Variants in CREM observed in about 807,000 individuals in gnomAD.
CREM encodes the protein cAMP-responsive element modulator.
A neutral mutation model predicts 37.3 loss-of-function variants in CREM; 13 were observed. The ratio of observed to expected loss-of-function variants is 0.35; its 90% CI spans 0.23 to 0.55. CREM has a LOEUF of 0.55. Ranked by LOEUF, CREM falls within the 20% of genes least tolerant of loss-of-function variation. The pLI, the probability that CREM is intolerant of heterozygous loss-of-function variation, is 0.88. For synonymous variants in CREM, 124 were observed against 120.2 expected (o/e 1.03, Z -0.21); for missense variants, 296 against 362.3 (o/e 0.82, Z 1.49).
intron 6 of CREM, among the ~76,000 whole-genome samples, chr10:35,199,949 G>A (rs1175017176): frequency 6.8e-6 from 1 of 147,142 alleles, no homozygotes; most frequent in African/African-American, 2.5e-5. Flanking sequence ...GAGTACAGTG[G>A]CGTGATCTTG....
chr10:35,134,212 AT>A (rs1443306469), intron 1 of CREM, among the ~76,000 whole-genome samples: 1 of 151,496 alleles, frequency 6.6e-6, no homozygotes, highest in Non-Finnish European at 1.5e-5. Flanking sequence ...ATGCTGGCTC[AT>A]TTTTGTAATT....
intron 2 of CREM, among the ~76,000 whole-genome samples, chr10:35,145,834 G>GACCTGCCA (rs1402554600): frequency 1.4e-5 from 2 of 147,878 alleles, no homozygotes; most frequent in Non-Finnish European, 3.0e-5. Context: ...TTTAATTACT[G>GACCTGCCA]ACCTGCCAAT....
chr10:35,202,732 G>T (rs914458895), intron 6 of CREM, among the ~76,000 whole-genome samples: 1 of 151,940 alleles, frequency 6.6e-6, no homozygotes, highest in Non-Finnish European at 1.5e-5. Flanking sequence ...GAACTAATGC[G>T]CTTGTCATTT....
At chr10:35,134,361 C>T (rs559701497) in intron 1 of CREM, among the ~76,000 whole-genome samples, 10 of 152,250 alleles carry the variant, frequency 6.6e-5, no homozygotes, top group East Asian at 3.9e-4. Context: ...GGATTACAGG[C>T]GCATGCCACC....
chr10:35,206,878 A>G lies in CREM; in HGVS notation c.599-17A>G, dbSNP rs1554951480. On this transcript the variant is annotated splice_polypyrimidine_tract_variant and intron_variant, in intron 6 of 7. Transcript: ENST00000685392. ...TGAATTCTTTATATAAGCTCAAAAT[A>G]TTTTGTTTTACTGCAGCTGCCACTG... is the stretch of plus-strand genomic sequence containing the variant. 1.2e-6 allele frequency: 2 copies of G among 1,612,414 alleles called. No individual in the cohort carries two copies. The highest frequency in any genetic ancestry group is 4.5e-5 in the East Asian group (2 of 44,852).
intron 3 of CREM, among the ~76,000 whole-genome samples, chr10:35,163,071 T>C (rs1347031775): frequency 6.6e-6 from 1 of 151,250 alleles, no homozygotes. Flanking sequence ...CCAGGCATGG[T>C]GGCACTTGCC....
chr10:35,201,573 T>G, intron 6 of CREM: 1 of 1,503,166 alleles, frequency 6.7e-7, no homozygotes, highest in Non-Finnish European at 9.0e-7. Flanking sequence ...AAGAGAGATA[T>G]GTAGTTAATG....
chr10:35,149,557 C>T (rs2092422628), intron 3 of CREM, among the ~76,000 whole-genome samples: 1 of 152,076 alleles, frequency 6.6e-6, no homozygotes, highest in Non-Finnish European at 1.5e-5. Context: ...CTGAAGACAC[C>T]ATCAGGGTGC....
intron 5 of CREM, among the ~76,000 whole-genome samples, chr10:35,185,109 T>C (rs1350333774): frequency 2.7e-5 from 4 of 149,304 alleles, no homozygotes; most frequent in African/African-American, 9.8e-5. Context: ...TGTACTTCTT[T>C]TTTTTTTTTT....
chr10:35,174,046 A>G (rs958335569), intron 3 of CREM, among the ~76,000 whole-genome samples: 1 of 152,218 alleles, frequency 6.6e-6, no homozygotes, highest in East Asian at 1.9e-4. Context: ...TACTGGTTCC[A>G]TAATGGGAGG....
intron 3 of CREM, among the ~76,000 whole-genome samples, chr10:35,176,399 T>G (rs1362098260): frequency 6.6e-6 from 1 of 151,398 alleles, no homozygotes; most frequent in African/African-American, 2.4e-5. Flanking sequence ...CTGTTTTCTT[T>G]TTTTTTCTTC....
chr10:35,167,381 T>C (rs2093605851), intron 3 of CREM: 2 of 227,772 alleles, frequency 8.8e-6, no homozygotes, highest in Non-Finnish European at 1.7e-5. Context: ...AACTAGGTAG[T>C]ACAGAGATTT....
At chr10:35,160,925 T>G (rs763464900) in intron 3 of CREM, among the ~76,000 whole-genome samples, 7 of 152,234 alleles carry the variant, frequency 4.6e-5, no homozygotes, top group Admixed American at 6.5e-5. Context: ...TGGAAGGTTC[T>G]CAGGGAAAGA....
At chr10:35,127,510 A>C (rs2088086797) in intron 1 of CREM, 1 of 152,304 alleles carries the variant, frequency 6.6e-6, no homozygotes, top group African/African-American at 2.4e-5. Context: ...ATCCTCCCTG[A>C]GAGAGCCGTG....
chr10:35,207,594 C>T (rs139892822), intron 7 of CREM, among the ~76,000 whole-genome samples: 4,850 of 151,958 alleles, frequency 0.032, 273 homozygotes, highest in African/African-American at 0.11. Flanking sequence ...GCCAATATGA[C>T]GAAACCCTGT....
At chr10:35,153,822 A>G (rs1191038359) in intron 3 of CREM, among the ~76,000 whole-genome samples, 3 of 152,218 alleles carry the variant, frequency 2.0e-5, no homozygotes, top group Non-Finnish European at 4.4e-5. Flanking sequence ...AAGGTCAGCA[A>G]ACTGCCTCGA....
At chr10:35,145,445 T>G (rs4934734) in intron 2 of CREM, among the ~76,000 whole-genome samples, 1 of 152,110 alleles carries the variant, frequency 6.6e-6, no homozygotes, top group Non-Finnish European at 1.5e-5. Context: ...CATTCTCTTA[T>G]GTTTTCCAGA....
chr10:35,154,234 T>G (rs1589543934), intron 3 of CREM: 1 of 393,982 alleles, frequency 2.5e-6, no homozygotes, highest in South Asian at 1.4e-4. Context: ...TGCCCAGCTA[T>G]GCCAAAAATC....
At chr10:35,210,710 C>T (rs1340762766) in intron 7 of CREM, 1 of 152,046 alleles carries the variant, frequency 6.6e-6, no homozygotes. Flanking sequence ...ATGATTTATC[C>T]ATGTGTGTTT....
Sources: allele counts gnomAD v4.1 joint callset (sites outside exome capture counted in the v4.1 genomes callset), GRCh38; gene constraint gnomAD v4.1.1; transcripts MANE v1.5; gene names NCBI Gene and HGNC (gene_info 2026-07-23, HGNC 2026-07-21).